Variants in RAPH1 observed in about 807,000 individuals in gnomAD.
RAPH1 encodes the protein Ras association (RalGDS/AF-6) and pleckstrin homology domains 1.
A neutral mutation model predicts 88.1 loss-of-function variants in RAPH1; 18 were observed. The observed-to-expected ratio is 0.20, with a 90% confidence interval of 0.14 to 0.30. RAPH1 has a LOEUF of 0.30. RAPH1 is among the 10% of genes least tolerant of loss of function. The probability of loss-of-function intolerance (pLI) is 1.00; values close to 1 mark genes in which losing one functional copy is unlikely to be tolerated. For missense variants in RAPH1, 1,448 were observed against 1,543.2 expected, an observed-to-expected ratio of 0.94 and a Z score of 1.03; for synonymous variants, 587 against 559.0, an observed-to-expected ratio of 1.05 and a Z score of -0.71.
Position 203,445,001 on chromosome 2 carries a change from G to T in RAPH1, c.1643C>A (p.Ser548Ter). ...GCTATCAGACTGATTGGAGTGGTTT[G>T]ACTGAGACTCTGTTTAAAATAGTTT... ...SSSSSIPESQ[S>*]NHSNQSDSGV... Residue 548 changes from serine (S) to a stop codon, truncating the protein, a stop_gained, in exon 13 of 14, where the codon TCA (serine) becomes TAA (stop). Transcript: ENST00000319170. LOFTEE classifies it high-confidence loss of function. 1 of 1,612,334 alleles carries T rather than the reference G, an allele frequency of 6.2e-7. No homozygotes were observed. Among genetic ancestry groups the T allele is most frequent in the Non-Finnish European group, 8.5e-7 (1 of 1,179,584 alleles).
At chr2:203,521,048 T>C (rs1689843543) in intron 1 of RAPH1, among the ~76,000 whole-genome samples, 1 of 151,864 alleles carries the variant, frequency 6.6e-6, no homozygotes, top group South Asian at 2.1e-4. Context: ...AATACGCAGG[T>C]TTTGGGGTTT....
rs747251883 is a variant in RAPH1, at chr2:203,440,212, T to C, written c.2978A>G (p.Lys993Arg). The C allele has an allele frequency of 1.9e-6, 3 of 1,611,772 alleles. No individual in the cohort carries two copies. The highest frequency in any genetic ancestry group is 2.5e-6 in the Non-Finnish European group (3 of 1,178,816). ...SSSGAEHPEP[K>R]RPSVDSLVSK... ...GACTAGACTGTCCACCGAGGGTCTC[T>C]TGGGCTCGGGGTGCTCTGCACCACT... Residue 993 changes from lysine to arginine, a missense_variant, in exon 14 of 14, where the codon AAG (lysine) becomes AGG (arginine). Transcript: ENST00000319170.
chr2:203,527,601 C>T (rs1408874335), intron 1 of RAPH1, among the ~76,000 whole-genome samples: 1 of 151,914 alleles, frequency 6.6e-6, no homozygotes, highest in East Asian at 1.9e-4. Flanking sequence ...GAGTTCGAGA[C>T]CAGCCTGACC....
chr2:203,496,544 C>G (rs1402058211), intron 1 of RAPH1, among the ~76,000 whole-genome samples: 1 of 152,074 alleles, frequency 6.6e-6, no homozygotes, highest in Admixed American at 6.6e-5. Context: ...CTTAAACCAG[C>G]CAGCATATTC....
At chr2:203,518,298 T>C (rs1010869537) in intron 1 of RAPH1, among the ~76,000 whole-genome samples, 3 of 152,022 alleles carry the variant, frequency 2.0e-5, no homozygotes, top group African/African-American at 7.2e-5. Context: ...GGCAGATCAC[T>C]TGAGGTCGGG....
At chr2:203,461,759 T>C in intron 5 of RAPH1, 89 bp downstream of exon 5, 2 of 906,798 alleles carry the variant, frequency 2.2e-6, no homozygotes, top group Non-Finnish European at 3.3e-6. Context: ...CTCCATATCT[T>C]AGAAGTACAT....
intron 1 of RAPH1, among the ~76,000 whole-genome samples, chr2:203,501,319 C>CA (rs1484625747): frequency 1.3e-5 from 2 of 152,182 alleles, no homozygotes; most frequent in Non-Finnish European, 2.9e-5. Flanking sequence ...TCAGATGGGG[C>CA]AGTGCCTGGT....
At chr2:203,533,609 G>A (rs1285147847) in intron 1 of RAPH1, among the ~76,000 whole-genome samples, 2 of 151,698 alleles carry the variant, frequency 1.3e-5, no homozygotes, top group Admixed American at 1.3e-4. Flanking sequence ...CTTAAATGCC[G>A]AGGCTTCCAT....
intron 4 of RAPH1, among the ~76,000 whole-genome samples, chr2:203,482,407 T>C (rs1257609885): frequency 6.6e-6 from 1 of 152,090 alleles, no homozygotes; most frequent in African/African-American, 2.4e-5. Flanking sequence ...GATGGTCTGA[T>C]ACTCATGACC....
rs1048503580 is a variant in RAPH1 at position 203,470,418 on chromosome 2, A to G, written c.733-8493T>C. On this transcript the variant is annotated intron_variant, in intron 4 of 13. Coordinates refer to ENST00000319170, the MANE Select transcript of RAPH1 (RefSeq NM_213589.3). ...GTAGACAAAGCAAGAATGATTCTCT[A>G]TAATTAATCTCATATCTTTTCCCTA... 1.3e-5 allele frequency: 8 copies of G among 630,696 alleles called. No individual in the cohort carries two copies. In the African/African-American group the frequency reaches 1.3e-4, roughly 10 times the overall value. The allele number at this position is 630,696 out of a possible 1,614,324, so 39.1% of individuals were successfully genotyped here. A position where few individuals can be genotyped will look rare whatever the true frequency, so the allele number is the denominator to read the frequency against.
At chr2:203,524,602 C>T (rs1690034086) in intron 1 of RAPH1, among the ~76,000 whole-genome samples, 1 of 152,114 alleles carries the variant, frequency 6.6e-6, no homozygotes, top group South Asian at 2.1e-4. Flanking sequence ...TGAAAACAAG[C>T]CAGACTTGGG....
At chr2:203,480,240 A>G (rs996539914) in intron 4 of RAPH1, among the ~76,000 whole-genome samples, 8 of 152,140 alleles carry the variant, frequency 5.3e-5, no homozygotes, top group Admixed American at 3.3e-4. Flanking sequence ...TTGGGGTGGG[A>G]GTGCACATAT....
At position 203,506,884 on chromosome 2, in the gene RAPH1, A is replaced by C. The variant is rs1351794712; in HGVS notation, c.1-11531T>G. Among the ~76,000 whole-genome samples the C allele has an allele frequency of 3.4e-4, 35 of 101,554 alleles. 1 individual carries two copies. Among genetic ancestry groups the C allele is most frequent in the African/African-American group, 1.2e-3 (22 of 18,554 alleles). The allele number at this position is 101,554 out of a possible 152,430, so 66.6% of individuals were successfully genotyped here. A position where few individuals can be genotyped will look rare whatever the true frequency, so the allele number is the denominator to read the frequency against. ...TATATATATATATATATATATAGATATATATATATATATATTTTTTTTTTT... is the reference window on the plus strand; with the variant it reads ...TATATATATATATATATATATAGATCTATATATATATATATTTTTTTTTTT... On this transcript the variant is annotated intron_variant, in intron 1 of 13. Coordinates refer to ENST00000319170, the MANE Select transcript of RAPH1 (RefSeq NM_213589.3).
At position 203,505,862 on chromosome 2, in the gene RAPH1, C is replaced by T. The variant is rs192035314; in HGVS notation, c.1-10509G>A. Among the ~76,000 whole-genome samples the T allele has an allele frequency of 3.3e-5, 5 of 152,290 alleles. No homozygotes were observed. The South Asian group carries it at 8.3e-4, about 25-fold the overall frequency. The stretch of plus-strand genomic sequence containing the variant: ...ACGCGCGCGCACGCACACACACACA[C>T]GGCTGCTCCACACTTCAGACCTTTT... On this transcript the variant is annotated intron_variant, in intron 1 of 13. Transcript: ENST00000319170.
At chr2:203,501,974 TATAAG>T (rs946247711) in intron 1 of RAPH1, among the ~76,000 whole-genome samples, 2 of 152,284 alleles carry the variant, frequency 1.3e-5, no homozygotes, top group Non-Finnish European at 2.9e-5. Context: ...GGACGACAGA[TATAAG>T]ATATCTTGAT....
At chr2:203,469,086 G>T (rs1284735459) in intron 4 of RAPH1, among the ~76,000 whole-genome samples, 1 of 152,174 alleles carries the variant, frequency 6.6e-6, no homozygotes, top group Non-Finnish European at 1.5e-5. Context: ...TAAGATGTTG[G>T]TGATCTTCTA....
chr2:203,495,247 T>C lies in RAPH1; in HGVS notation c.107A>G (p.Asp36Gly). 1 of 1,614,072 alleles carries C rather than the reference T, an allele frequency of 6.2e-7. No homozygotes were observed. The highest frequency in any genetic ancestry group is 8.5e-7 in the Non-Finnish European group (1 of 1,179,998). The change falls in exon 2 of 14, where the codon GAC becomes GGC. Residue 36 changes from aspartate to glycine, a missense_variant. Asp to Gly is a moderately conservative substitution (Grantham distance 94). Coordinates refer to ENST00000319170, the MANE Select transcript of RAPH1 (RefSeq NM_213589.3). ...KMFGAWLGEL[D>G]KLTQSLDSDK... ...AGCACTACTCACCTGAGTGAGTTTG[T>C]CTAGTTCTCCAAGCCAGGCTCCAAA...
Position 203,495,266 on chromosome 2 carries a change from C to A in RAPH1, c.88G>T (p.Ala30Ser). 6.2e-7 allele frequency: 1 copy of A among 1,614,096 alleles called. No individual in the cohort carries two copies. Among genetic ancestry groups the A allele is most frequent in the Non-Finnish European group, 8.5e-7 (1 of 1,180,000 alleles). Residue 30 changes from alanine (A) to serine (S), a missense_variant, in exon 2 of 14, where the codon GCC becomes TCC. Ala to Ser is a moderately conservative substitution (Grantham distance 99). This residue lies in a region of RAPH1 where 513 missense variants were observed against 653.1 expected (regional missense o/e 0.79). Transcript: ENST00000319170. ...EDQDLDKMFG[A>S]WLGELDKLTQ... The stretch of plus-strand genomic sequence containing the variant: ...AGTTTGTCTAGTTCTCCAAGCCAGG[C>A]TCCAAACATTTTGTCCAGGTCCTGA...
intron 4 of RAPH1, among the ~76,000 whole-genome samples, chr2:203,477,756 CT>C (rs985804885): frequency 7.2e-5 from 11 of 152,250 alleles, no homozygotes; most frequent in Admixed American, 6.5e-4. Flanking sequence ...TCATTTCCCC[CT>C]CCTAAAGAGA....
Sources: allele counts gnomAD v4.1 joint callset (sites outside exome capture counted in the v4.1 genomes callset), GRCh38; gene constraint gnomAD v4.1.1; regional missense constraint gnomAD v4.1.1; transcripts MANE v1.5; gene names NCBI Gene and HGNC (gene_info 2026-07-23, HGNC 2026-07-21).